H3-3B: variants seen among roughly 807,000 people sequenced by gnomAD.
The protein encoded by H3-3B is histone H3.3.
In H3-3B, 2 loss-of-function variants were observed where a neutral mutation model predicts 13.1. That is an observed-to-expected ratio of 0.15 (90% confidence interval 0.06 to 0.48). The LOEUF is 0.48. H3-3B is among the 20% of genes least tolerant of loss of function. H3-3B has a pLI of 0.97. For missense variants in H3-3B, 39 were observed against 186.0 expected, an observed-to-expected ratio of 0.21 and a Z score of 4.60; for synonymous variants, 133 against 75.8, an observed-to-expected ratio of 1.76 and a Z score of -3.92.
intron 1 of H3-3B, 160 bp from the exon 2 acceptor site, chr17:75,779,344 C>T (rs976832734): frequency 4.3e-6 from 3 of 698,068 alleles, no homozygotes; most frequent in African/African-American, 1.9e-5. Flanking sequence ...CCTCCTCCCC[C>T]TCCCCTAATG....
At position 75,778,361 on chromosome 17, in the gene H3-3B, G is replaced by A. The variant is rs2061649259; in HGVS notation, c.*234C>T. ...CATACAGAAACATGCATCATGAGAA[G>A]CAAGAAGTATCACCCATCCCTTCTG... is the stretch of plus-strand genomic sequence containing the variant. On this transcript the variant is annotated 3_prime_UTR_variant, in exon 4 of 4. Transcript: ENST00000254810. 4 of 547,172 alleles carry A rather than the reference G, an allele frequency of 7.3e-6. No individual in the cohort carries two copies. Among genetic ancestry groups the A allele is most frequent in the Middle Eastern group, 4.9e-4 (1 of 2,060 alleles). 33.9% of individuals were successfully genotyped at this position (547,172 alleles called of 1,614,324 possible). A position where few individuals can be genotyped will look rare whatever the true frequency, so the allele number is the denominator to read the frequency against.
In H3-3B at chr17:75,778,544, C is replaced by G. The variant is rs781439708; in HGVS notation, c.*51G>C. 3.8e-6 allele frequency: 6 copies of G among 1,574,092 alleles called. No homozygotes were observed. Among genetic ancestry groups the G allele is most frequent in the Non-Finnish European group, 5.2e-6 (6 of 1,160,336 alleles). On this transcript the variant is annotated 3_prime_UTR_variant, in exon 4 of 4. Coordinates refer to ENST00000254810, the MANE Select transcript of H3-3B (RefSeq NM_005324.5). The stretch of plus-strand genomic sequence containing the variant: ...CTTACAAAAAAAGTCACAAATTAAA[C>G]CAAAGTATTTTACAGAATTTACTAC...
rs552468682 is a variant in H3-3B at position 75,778,310 on chromosome 17, T to G, written c.*285A>C. ...GTACACATTTATCAACTCTAGTACC[T>G]TAATAGCTACCCAACAAGTCATTAA... On this transcript the variant is annotated 3_prime_UTR_variant, in exon 4 of 4. Transcript: ENST00000254810. 1 of 418,002 alleles carries G rather than the reference T, an allele frequency of 2.4e-6. No homozygotes were observed. The highest frequency in any genetic ancestry group is 2.6e-5 in the South Asian group (1 of 37,784). The allele number at this position is 418,002 out of a possible 1,614,324, so 25.9% of individuals were successfully genotyped here. A position where few individuals can be genotyped will look rare whatever the true frequency, so the allele number is the denominator to read the frequency against.
rs1443091186 is a variant in H3-3B at position 75,776,502 on chromosome 17, C to T, written c.*2093G>A. Reference sequence around the variant, plus strand: ...AGGATACCTGCATCAGCTGCAACTTCTGCTTTTCTCCTTTGCCTCTGCTCC... The same window carrying T: ...AGGATACCTGCATCAGCTGCAACTTTTGCTTTTCTCCTTTGCCTCTGCTCC... On this transcript the variant is annotated 3_prime_UTR_variant, in exon 4 of 4. Coordinates refer to ENST00000254810, the MANE Select transcript of H3-3B (RefSeq NM_005324.5). 2 of 152,230 alleles carry T rather than the reference C, an allele frequency of 1.3e-5. No individual in the cohort carries two copies. The highest frequency in any genetic ancestry group is 2.9e-5 in the Non-Finnish European group (2 of 68,042). The allele number at this position is 152,230 out of a possible 1,614,324, so 9.4% of individuals were successfully genotyped here.
In H3-3B at chr17:75,777,939, T is replaced by TA. The variant is rs2061646849; in HGVS notation, c.*655dup. 1 of 152,656 alleles carries TA rather than the reference T, an allele frequency of 6.6e-6. No homozygotes were observed. Among genetic ancestry groups the TA allele is most frequent in the Admixed American group, 6.5e-5 (1 of 15,288 alleles). The allele number at this position is 152,656 out of a possible 1,614,324, so 9.5% of individuals were successfully genotyped here. A position where few individuals can be genotyped will look rare whatever the true frequency, so the allele number is the denominator to read the frequency against. On this transcript the variant is annotated 3_prime_UTR_variant, in exon 4 of 4. Transcript: ENST00000254810. ...GGTATAAATGCGCATAGCATTTTAC[T>TA]ACTATGAGAACAAGTGCAGTCAGAA...
chr17:75,777,687 AAG>A lies in H3-3B; in HGVS notation c.*906_*907del, dbSNP rs2061645224. 2 of 152,418 alleles carry A rather than the reference AAG, an allele frequency of 1.3e-5. No homozygotes were observed. Among genetic ancestry groups the A allele is most frequent in the South Asian group, 2.1e-4 (1 of 4,832 alleles). The allele number at this position is 152,418 out of a possible 1,614,324, so 9.4% of individuals were successfully genotyped here. On this transcript the variant is annotated 3_prime_UTR_variant, in exon 4 of 4. Coordinates refer to ENST00000254810, the MANE Select transcript of H3-3B (RefSeq NM_005324.5). ...TTTATAATACAAATGCCACAAGAAA[AAG>A]AACTTCGGTACTGTTTCCTCAGCAG...
Position 75,778,392 on chromosome 17 carries a change from TAGCAACTTGTCACTCCTG to T in H3-3B, c.*185_*202del. ...AGTATCACCCATCCCTTCTGCATATTAGCAACTTGTCACTCCTGAGCAACAGTGCTCACATCACTGAGG... is the reference window on the plus strand; with the variant it reads ...AGTATCACCCATCCCTTCTGCATATTAGCAACAGTGCTCACATCACTGAGG... On this transcript the variant is annotated 3_prime_UTR_variant, in exon 4 of 4. Transcript: ENST00000254810. 1.6e-6 allele frequency: 1 copy of T among 642,898 alleles called. No homozygotes were observed. Among genetic ancestry groups the T allele is most frequent in the Non-Finnish European group, 2.6e-6 (1 of 381,036 alleles). The allele number at this position is 642,898 out of a possible 1,614,324, so 39.8% of individuals were successfully genotyped here.
rs931793764 is a variant in H3-3B at position 75,778,516 on chromosome 17, T to C, written c.*79A>G. On this transcript the variant is annotated 3_prime_UTR_variant, in exon 4 of 4. Coordinates refer to ENST00000254810, the MANE Select transcript of H3-3B (RefSeq NM_005324.5). Reference sequence around the variant, plus strand: ...TACAAATGCAACATATTATAAACAATTTCTTACAAAAAAAGTCACAAATTA... The same window carrying C: ...TACAAATGCAACATATTATAAACAACTTCTTACAAAAAAAGTCACAAATTA... The C allele has an allele frequency of 4.5e-6, 7 of 1,538,712 alleles. No individual in the cohort carries two copies. Among genetic ancestry groups the C allele is most frequent in the Admixed American group, 2.0e-5 (1 of 49,844 alleles).
Position 75,776,810 on chromosome 17 carries a change from C to T in H3-3B, c.*1785G>A, listed in dbSNP as rs1375746560. 2 of 152,222 alleles carry T rather than the reference C, an allele frequency of 1.3e-5. No homozygotes were observed. Among genetic ancestry groups the T allele is most frequent in the Admixed American group, 6.5e-5 (1 of 15,282 alleles). The allele number at this position is 152,222 out of a possible 1,614,324, so 9.4% of individuals were successfully genotyped here. A position where few individuals can be genotyped will look rare whatever the true frequency, so the allele number is the denominator to read the frequency against. ...TTTCCAGACACGCTACAGCATAGCACGTTCCAACATCTGATCTTAATCTCA... is the reference window on the plus strand; with the variant it reads ...TTTCCAGACACGCTACAGCATAGCATGTTCCAACATCTGATCTTAATCTCA... On this transcript the variant is annotated 3_prime_UTR_variant, in exon 4 of 4. Transcript: ENST00000254810.
intron 1 of H3-3B, 169 bp downstream of exon 1, chr17:75,779,488 G>A (rs942013491): frequency 4.0e-5 from 9 of 227,342 alleles, no homozygotes; most frequent in Non-Finnish European, 6.8e-5. Flanking sequence ...CCGGGAAAAG[G>A]CGGGGACACA....
Position 75,776,518 on chromosome 17 carries a change from C to T in H3-3B, c.*2077G>A, listed in dbSNP as rs1427337064. On this transcript the variant is annotated 3_prime_UTR_variant, in exon 4 of 4. Transcript: ENST00000254810. ...CTGCAACTTCTGCTTTTCTCCTTTG[C>T]CTCTGCTCCTTTACCCTTACCGAGG... The T allele has an allele frequency of 1.3e-5, 2 of 152,208 alleles. No individual in the cohort carries two copies. The highest frequency in any genetic ancestry group is 2.1e-4 in the South Asian group (1 of 4,832). The allele number at this position is 152,208 out of a possible 1,614,324, so 9.4% of individuals were successfully genotyped here. A position where few individuals can be genotyped will look rare whatever the true frequency, so the allele number is the denominator to read the frequency against.
Position 75,777,766 on chromosome 17 carries a change from G to C in H3-3B, c.*829C>G, listed in dbSNP as rs1424304681. On this transcript the variant is annotated 3_prime_UTR_variant, in exon 4 of 4. Transcript: ENST00000254810. Reference sequence around the variant, plus strand: ...GACCAACCACACAACACAATGAAAAGCTGCACTAACTAGTTCAGAATGTTA... The same window carrying C: ...GACCAACCACACAACACAATGAAAACCTGCACTAACTAGTTCAGAATGTTA... 2 of 152,502 alleles carry C rather than the reference G, an allele frequency of 1.3e-5. No homozygotes were observed. The highest frequency in any genetic ancestry group is 2.9e-5 in the Non-Finnish European group (2 of 68,038). 9.4% of individuals were successfully genotyped at this position (152,502 alleles called of 1,614,324 possible).
Position 75,778,523 on chromosome 17 carries a change from C to T in H3-3B, c.*72G>A, listed in dbSNP as rs2061650198. 9.7e-6 allele frequency: 15 copies of T among 1,546,832 alleles called. No individual in the cohort carries two copies. In the South Asian group the frequency reaches 1.6e-4, roughly 16 times the overall value. The stretch of plus-strand genomic sequence containing the variant: ...GCAACATATTATAAACAATTTCTTA[C>T]AAAAAAAGTCACAAATTAAACCAAA... On this transcript the variant is annotated 3_prime_UTR_variant, in exon 4 of 4. Coordinates refer to ENST00000254810, the MANE Select transcript of H3-3B (RefSeq NM_005324.5).
chr17:75,778,579 T>A lies in H3-3B; in HGVS notation c.*16A>T. 5 of 1,603,294 alleles carry A rather than the reference T, an allele frequency of 3.1e-6. No homozygotes were observed. The highest frequency in any genetic ancestry group is 4.3e-6 in the Non-Finnish European group (5 of 1,175,692). On this transcript the variant is annotated 3_prime_UTR_variant, in exon 4 of 4. Transcript: ENST00000254810. Reference sequence around the variant, plus strand: ...TTACAGAATTTACTACAAAACGCCATAAAAACTGCCTTCACTTAAGCTCTC... The same window carrying A: ...TTACAGAATTTACTACAAAACGCCAAAAAAACTGCCTTCACTTAAGCTCTC...
At position 75,778,352 on chromosome 17, in the gene H3-3B, T is replaced by A. The variant is rs938666284; in HGVS notation, c.*243A>T. The A allele has an allele frequency of 5.7e-6, 3 of 529,618 alleles. No individual in the cohort carries two copies. The African/African-American group carries it at 5.7e-5, about 10-fold the overall frequency. 32.8% of individuals were successfully genotyped at this position (529,618 alleles called of 1,614,324 possible). A position where few individuals can be genotyped will look rare whatever the true frequency, so the allele number is the denominator to read the frequency against. ...AGTCATTAACATACAGAAACATGCA[T>A]CATGAGAAGCAAGAAGTATCACCCA... On this transcript the variant is annotated 3_prime_UTR_variant, in exon 4 of 4. Transcript: ENST00000254810.
At position 75,777,209 on chromosome 17, in the gene H3-3B, G is replaced by C. The variant is rs1170146975; in HGVS notation, c.*1386C>G. ...TGTGGGCTTCTACACTACGGAACGG[G>C]AGTGGGGGGGCTGAAAAGCTTATTA... is the stretch of plus-strand genomic sequence containing the variant. On this transcript the variant is annotated 3_prime_UTR_variant, in exon 4 of 4. Transcript: ENST00000254810. 6.7e-6 allele frequency: 1 copy of C among 150,330 alleles called. No homozygotes were observed. The highest frequency in any genetic ancestry group is 1.5e-5 in the Non-Finnish European group (1 of 68,012). 9.3% of individuals were successfully genotyped at this position (150,330 alleles called of 1,614,324 possible). A position where few individuals can be genotyped will look rare whatever the true frequency, so the allele number is the denominator to read the frequency against.
chr17:75,778,843 C>G lies in H3-3B; in HGVS notation c.249G>C (p.Leu83=). 2.5e-6 allele frequency: 4 copies of G among 1,614,206 alleles called. No individual in the cohort carries two copies. Among genetic ancestry groups the G allele is most frequent in the Non-Finnish European group, 3.4e-6 (4 of 1,180,042 alleles). The change falls in exon 3 of 4, where the codon CTG becomes CTC. Residue 83 remains leucine, a synonymous_variant. Transcript: ENST00000254810. The part of the protein sequence containing the change: ...REIAQDFKTD[L]RFQSAAIGAL... ...CACCGATGGCTGCGCTCTGAAACCTCAGGTCGGTTTTGAAATCCTGCGCGA... is the reference window on the plus strand; with the variant it reads ...CACCGATGGCTGCGCTCTGAAACCTGAGGTCGGTTTTGAAATCCTGCGCGA...
rs2061643278 is a variant in H3-3B, at chr17:75,777,335, A to C, written c.*1260T>G. On this transcript the variant is annotated 3_prime_UTR_variant, in exon 4 of 4. Coordinates refer to ENST00000254810, the MANE Select transcript of H3-3B (RefSeq NM_005324.5). ...GCTTTCTACAGTATCTTTATAAATA[A>C]AAGGTTCCTTTATCCACCAAACAAC... 1.3e-5 allele frequency: 2 copies of C among 152,652 alleles called. No homozygotes were observed. The highest frequency in any genetic ancestry group is 2.9e-5 in the Non-Finnish European group (2 of 68,026). The allele number at this position is 152,652 out of a possible 1,614,324, so 9.5% of individuals were successfully genotyped here. A position where few individuals can be genotyped will look rare whatever the true frequency, so the allele number is the denominator to read the frequency against.
rs558721711 is a variant in H3-3B at position 75,777,840 on chromosome 17, A to T, written c.*755T>A. ...AACTCGTTTTTTCTAGAGCCCTTATAAATAAAATCCCCCAGTTAGTGTTTG... is the reference window on the plus strand; with the variant it reads ...AACTCGTTTTTTCTAGAGCCCTTATTAATAAAATCCCCCAGTTAGTGTTTG... On this transcript the variant is annotated 3_prime_UTR_variant, in exon 4 of 4. Transcript: ENST00000254810. 6.5e-6 allele frequency: 1 copy of T among 152,740 alleles called. No homozygotes were observed. The highest frequency in any genetic ancestry group is 2.4e-5 in the African/African-American group (1 of 41,578). The allele number at this position is 152,740 out of a possible 1,614,324, so 9.5% of individuals were successfully genotyped here. A position where few individuals can be genotyped will look rare whatever the true frequency, so the allele number is the denominator to read the frequency against.
Sources: gnomAD v4.1 joint callset for allele counts on GRCh38, gnomAD v4.1.1 for gene constraint, MANE v1.5 for transcripts, NCBI Gene and HGNC (gene_info 2026-07-23, HGNC 2026-07-21) for gene names.